Variants in ATP6V1B1 observed in about 807,000 individuals in gnomAD.
ATP6V1B1 encodes V-type proton ATPase subunit B, kidney isoform.
ATP6V1B1 carries 41 observed loss-of-function variants against 62.1 expected under a neutral mutation model. The observed-to-expected ratio is 0.66, with a 90% CI of 0.51 to 0.86. ATP6V1B1 has a LOEUF of 0.86. Ranked by LOEUF, ATP6V1B1 falls within the 40% of genes least tolerant of loss-of-function variation. The pLI, the probability that ATP6V1B1 is intolerant of heterozygous loss-of-function variation, is 0.00. For synonymous variants in ATP6V1B1, 253 were observed against 273.4 expected (o/e 0.93, Z 0.74); for missense variants, 651 against 697.5 (o/e 0.93, Z 0.75).
In ATP6V1B1 at chr2:70,963,439, C is replaced by T; in HGVS notation, c.1060+127C>T. 1 of 1,532,064 alleles carries T rather than the reference C, an allele frequency of 6.5e-7. No homozygotes were observed. 94.9% of individuals were successfully genotyped at this position (1,532,064 alleles called of 1,614,324 possible). On this transcript the variant is annotated intron_variant, in intron 10 of 13. Coordinates refer to ENST00000234396, the MANE Select transcript of ATP6V1B1 (RefSeq NM_001692.4). This position sits in a 1 kb window ranked among gnomAD's most constrained non-coding sequence, Gnocchi z 4.3. ...CGCTTTTCCTCCATCGAGATAGACA[C>T]TGCCCTTTCCTCCACCATCCATGCC...
chr2:70,941,924 G>A (rs1553416446), intron 1 of ATP6V1B1: 8 of 991,992 alleles, frequency 8.1e-6, no homozygotes, highest in African/African-American at 7.0e-5. Context: ...TGAAGCCAGA[G>A]TGGAGAAGGC....
chr2:70,953,026 G>C (rs1300630327), intron 2 of ATP6V1B1, among the ~76,000 whole-genome samples: 1 of 152,184 alleles, frequency 6.6e-6, no homozygotes, highest in Non-Finnish European at 1.5e-5. Flanking sequence ...CAGTGCAGTG[G>C]TGCAATCTCA....
At chr2:70,937,031 G>C (rs1164241516) in intron 1 of ATP6V1B1, among the ~76,000 whole-genome samples, 15 of 152,088 alleles carry the variant, frequency 9.9e-5, no homozygotes, top group African/African-American at 3.4e-4. Context: ...AGGCCGCCCT[G>C]CTCACTGGAG....
chr2:70,958,937 G>C, intron 4 of ATP6V1B1, 81 bp from the exon 5 acceptor site: 1 of 1,380,424 alleles, frequency 7.2e-7, no homozygotes, highest in Non-Finnish European at 1.0e-6. Flanking sequence ...GGTGGGAGCT[G>C]GTGGTGGTGT....
chr2:70,962,617 T>C (rs943144140), intron 8 of ATP6V1B1, among the ~76,000 whole-genome samples, 160 bp from the exon 9 acceptor site: 2 of 152,140 alleles, frequency 1.3e-5, no homozygotes, highest in Non-Finnish European at 2.9e-5. Context: ...CCAGGAACCA[T>C]GGCCCTGGCC....
intron 2 of ATP6V1B1, among the ~76,000 whole-genome samples, chr2:70,946,283 A>T (rs1553417311): frequency 6.6e-6 from 1 of 151,976 alleles, no homozygotes; most frequent in African/African-American, 2.4e-5. Context: ...TTACCACTTG[A>T]CCCCCCAGTG....
In ATP6V1B1 at chr2:70,943,805, C is replaced by T. The variant is rs1000559497; in HGVS notation, c.174+92C>T. On this transcript the variant is annotated intron_variant, in intron 2 of 13. Coordinates refer to ENST00000234396, the MANE Select transcript of ATP6V1B1 (RefSeq NM_001692.4). The stretch of plus-strand genomic sequence containing the variant: ...AGGATTTCTTCTAAATTACCCTTTC[C>T]CTCCATGGCCCCCAGGGCCTGCTCT... 8 of 1,521,864 alleles carry T rather than the reference C, an allele frequency of 5.3e-6. No individual in the cohort carries two copies. In the Admixed American group the frequency reaches 1.2e-4, roughly 23 times the overall value. 94.3% of individuals were successfully genotyped at this position (1,521,864 alleles called of 1,614,324 possible). A position where few individuals can be genotyped will look rare whatever the true frequency, so the allele number is the denominator to read the frequency against.
chr2:70,938,199 T>A (rs1679904579), intron 1 of ATP6V1B1, among the ~76,000 whole-genome samples: 1 of 152,016 alleles, frequency 6.6e-6, no homozygotes, highest in Non-Finnish European at 1.5e-5. Flanking sequence ...ATCCACAGTG[T>A]CTCCCAATCC....
At chr2:70,951,504 CTAGCTTCCTAT>C (rs1445946718) in intron 2 of ATP6V1B1, among the ~76,000 whole-genome samples, 2 of 151,986 alleles carry the variant, frequency 1.3e-5, no homozygotes, top group Non-Finnish European at 2.9e-5. Flanking sequence ...TCATGTCTGT[CTAGCTTCCTAT>C]AATCTGGAAC....
At position 70,963,748 on chromosome 2, in the gene ATP6V1B1, C is replaced by A; in HGVS notation, c.1143+94C>A. On this transcript the variant is annotated intron_variant, in intron 11 of 13. Coordinates refer to ENST00000234396, the MANE Select transcript of ATP6V1B1 (RefSeq NM_001692.4). This position sits in a 1 kb window ranked among gnomAD's most constrained non-coding sequence, Gnocchi z 4.3. ...GCCCCCAGGCATGAATTAGGAGGGG[C>A]CAGCCAAAGCGAACCCCAAACAGGA... The A allele has an allele frequency of 1.4e-6, 2 of 1,393,462 alleles. No individual in the cohort carries two copies. Among genetic ancestry groups the A allele is most frequent in the East Asian group, 4.8e-5 (2 of 41,960 alleles). 86.3% of individuals were successfully genotyped at this position (1,393,462 alleles called of 1,614,324 possible). A position where few individuals can be genotyped will look rare whatever the true frequency, so the allele number is the denominator to read the frequency against.
intron 4 of ATP6V1B1, 105 bp downstream of exon 4, chr2:70,958,531 C>A (rs1553419494): frequency 4.5e-6 from 5 of 1,103,302 alleles, no homozygotes; most frequent in Middle Eastern, 2.5e-4. Context: ...CTGTTTACTT[C>A]CTGCCTGTCT....
chr2:70,946,284 C>T (rs1181527158), intron 2 of ATP6V1B1, among the ~76,000 whole-genome samples: 1 of 152,186 alleles, frequency 6.6e-6, no homozygotes, highest in African/African-American at 2.4e-5. Context: ...TACCACTTGA[C>T]CCCCCAGTGT....
rs563829803 is a variant in ATP6V1B1, at chr2:70,963,104, C to T, written c.910-58C>T. On this transcript the variant is annotated intron_variant, in intron 9 of 13. Coordinates refer to ENST00000234396, the MANE Select transcript of ATP6V1B1 (RefSeq NM_001692.4). This position sits in a 1 kb window ranked among gnomAD's most constrained non-coding sequence, Gnocchi z 4.3. ...CAGGGTCACTGAACCTCCCACCCAC[C>T]CTTCCTAGCTTCAGCCTCTCATCCC... The T allele has an allele frequency of 3.1e-6, 5 of 1,612,536 alleles. No individual in the cohort carries two copies. In the East Asian group the frequency reaches 1.1e-4, roughly 36 times the overall value.
At chr2:70,952,796 A>G (rs1031499301) in intron 2 of ATP6V1B1, among the ~76,000 whole-genome samples, 6 of 151,996 alleles carry the variant, frequency 3.9e-5, no homozygotes, top group Admixed American at 2.0e-4. Context: ...GGGGCTTTCT[A>G]TTTGGTAGTT....
chr2:70,950,886 A>G (rs1680307406), intron 2 of ATP6V1B1, among the ~76,000 whole-genome samples: 1 of 146,122 alleles, frequency 6.8e-6, no homozygotes, highest in African/African-American at 2.6e-5. Context: ...CATTTGCTCT[A>G]TCATTTGCTC....
At position 70,963,373 on chromosome 2, in the gene ATP6V1B1, T is replaced by C. The variant is rs2104832137; in HGVS notation, c.1060+61T>C. On this transcript the variant is annotated intron_variant, in intron 10 of 13. Transcript: ENST00000234396. This position sits in a 1 kb window ranked among gnomAD's most constrained non-coding sequence, Gnocchi z 4.3. The stretch of plus-strand genomic sequence containing the variant: ...CCCTGTCCTCCCTTTTCCAACCAGA[T>C]ACTTAAAGGGCCCACGTTGCTTTGC... 1 of 1,611,190 alleles carries C rather than the reference T, an allele frequency of 6.2e-7. No homozygotes were observed. The highest frequency in any genetic ancestry group is 2.2e-5 in the East Asian group (1 of 44,854).
intron 2 of ATP6V1B1, among the ~76,000 whole-genome samples, chr2:70,944,792 C>T (rs545528463): frequency 6.6e-6 from 1 of 152,182 alleles, no homozygotes; most frequent in East Asian, 1.9e-4. Context: ...CCTCAGCCTC[C>T]CGAGTAGCTG....
At chr2:70,937,555 G>A (rs1275113431) in intron 1 of ATP6V1B1, among the ~76,000 whole-genome samples, 1 of 151,978 alleles carries the variant, frequency 6.6e-6, no homozygotes, top group Non-Finnish European at 1.5e-5. Context: ...AATATGCAGT[G>A]ACTGGGCCCC....
intron 1 of ATP6V1B1, chr2:70,940,045 G>C (rs989852311): frequency 6.6e-6 from 1 of 152,258 alleles, no homozygotes; most frequent in Non-Finnish European, 1.5e-5. Context: ...GACTCCCAGA[G>C]GACCTGCAGC....
Sources: gnomAD v4.1 joint callset for allele counts (sites outside exome capture counted in the v4.1 genomes callset) on GRCh38, gnomAD v4.1.1 for gene constraint, Gnocchi (gnomAD v3.1) non-coding constraint, MANE v1.5 for transcripts, NCBI Gene and HGNC (gene_info 2026-07-23, HGNC 2026-07-21) for gene names.